The following ZNF426 variants were observed in gnomAD, a reference collection of about 807,000 sequenced individuals.
ZNF426 encodes CTC-543D15.7.
ZNF426 carries 23 observed loss-of-function variants against 24.0 expected under a neutral mutation model. That is an observed-to-expected ratio of 0.96 (90% CI 0.69 to 1.36). The LOEUF is 1.36. ZNF426 is among the 40% of genes most tolerant of loss of function. The pLI is 0.00. For missense variants in ZNF426, 646 were observed against 658.4 expected (o/e 0.98, Z 0.21); for synonymous variants, 272 against 224.6 (o/e 1.21, Z -1.89).
rs1006044866 is a variant in ZNF426, at chr19:9,526,402, C to G, written c.*1978G>C. On this transcript the variant is annotated 3_prime_UTR_variant, in exon 8 of 8. Transcript: ENST00000253115. ...AAAGCAGACAGCATCCAAGAACAGA[C>G]AGGCAGTGTAAACACAGAGATGGAA... 2.1e-4 allele frequency: 32 copies of G among 151,926 alleles called. No individual in the cohort carries two copies. The highest frequency in any genetic ancestry group is 6.5e-4 in the African/African-American group (27 of 41,340). 9.4% of individuals were successfully genotyped at this position (151,926 alleles called of 1,614,324 possible).
intron 7 of ZNF426, 75 bp from the exon 8 acceptor site, chr19:9,529,711 A>ACATTATAATCAC: frequency 5.7e-6 from 8 of 1,396,672 alleles, no homozygotes; most frequent in Non-Finnish European, 6.7e-6. Flanking sequence ...GAAGCTAGAA[A>ACATTATAATCAC]CATTATAATG....
Position 9,529,295 on chromosome 19 carries a change from T to A in ZNF426, c.750A>T (p.Lys250Asn). 6.2e-7 allele frequency: 1 copy of A among 1,613,838 alleles called. No individual in the cohort carries two copies. Among genetic ancestry groups the A allele is most frequent in the Non-Finnish European group, 8.5e-7 (1 of 1,179,920 alleles). Reference protein sequence around the residue: ...QAHMRTHNGEKLYEWRNYGPG... With the variant: ...QAHMRTHNGENLYEWRNYGPG... The stretch of plus-strand genomic sequence containing the variant: ...GCCCATAATTCCTCCATTCGTAGAG[T>A]TTTTCTCCATTGTGAGTTCTCATAT... The change falls in exon 8 of 8, where the codon AAA (lysine) becomes AAT (asparagine). Residue 250 changes from lysine to asparagine, a missense_variant. Transcript: ENST00000253115.
intron 2 of ZNF426, among the ~76,000 whole-genome samples, chr19:9,537,835 G>A (rs1276599250): frequency 6.6e-6 from 1 of 151,858 alleles, no homozygotes; most frequent in Non-Finnish European, 1.5e-5. Flanking sequence ...TCTATTTTTA[G>A]TAGAGACGGG....
In ZNF426 at chr19:9,528,189, T is replaced by A. The variant is rs1313439244; in HGVS notation, c.*191A>T. On this transcript the variant is annotated 3_prime_UTR_variant, in exon 8 of 8. Coordinates refer to ENST00000253115, the MANE Select transcript of ZNF426 (RefSeq NM_024106.3). ...TTTCAGTAGAGACAAGGTTTCACCA[T>A]GTTGGCCAGGGTGGTCTCAAACTCC... is the stretch of plus-strand genomic sequence containing the variant. 2 of 559,204 alleles carry A rather than the reference T, an allele frequency of 3.6e-6. No individual in the cohort carries two copies. The highest frequency in any genetic ancestry group is 6.0e-6 in the Non-Finnish European group (2 of 330,890). 34.6% of individuals were successfully genotyped at this position (559,204 alleles called of 1,614,324 possible).
chr19:9,533,996 C>A, intron 4 of ZNF426, 30 bp from the exon 5 acceptor site: 16 of 1,606,726 alleles, frequency 1.0e-5, no homozygotes, highest in Non-Finnish European at 1.4e-5. Flanking sequence ...CTGGTTGGAG[C>A]CAAGTAACAA....
rs757187141 is a variant in ZNF426, at chr19:9,528,512, T to C, written c.1533A>G (p.Lys511=). Residue 511 remains lysine (K), a synonymous_variant, in exon 8 of 8, where the codon AAA becomes AAG. Coordinates refer to ENST00000253115, the MANE Select transcript of ZNF426 (RefSeq NM_024106.3). ...EKPYECKECG[K]AFTCSSSFRI... The stretch of plus-strand genomic sequence containing the variant: ...TAAAGGAACTGGAACACGTGAAGGC[T>C]TTCCCACACTCCTTGCATTCATAGG... 17 of 1,614,194 alleles carry C rather than the reference T, an allele frequency of 1.1e-5. No individual in the cohort carries two copies. The highest frequency in any genetic ancestry group is 1.4e-5 in the Non-Finnish European group (17 of 1,180,036).
At chr19:9,535,119 T>G in intron 4 of ZNF426, 69 bp downstream of exon 4, 1 of 1,091,456 alleles carries the variant, frequency 9.2e-7, no homozygotes, top group Non-Finnish European at 1.3e-6. Flanking sequence ...CAACTCTGCC[T>G]AGAGGGAAAT....
chr19:9,532,754 G>A, intron 6 of ZNF426, 91 bp downstream of exon 6: 2 of 924,984 alleles, frequency 2.2e-6, no homozygotes, highest in Non-Finnish European at 1.7e-6. Context: ...TTAGAGTGCA[G>A]GGAGAAAGTA....
In ZNF426 at chr19:9,528,336, AC is replaced by A. The variant is rs781363308; in HGVS notation, c.*43del. Reference sequence around the variant, plus strand: ...ATTCATGTCTTTAAAGTGAACTGGAACAAATGAGAGCTTTCCCACATTTATT... The same window carrying A: ...ATTCATGTCTTTAAAGTGAACTGGAAAAATGAGAGCTTTCCCACATTTATT... On this transcript the variant is annotated 3_prime_UTR_variant, in exon 8 of 8. Coordinates refer to ENST00000253115, the MANE Select transcript of ZNF426 (RefSeq NM_024106.3). 15 of 1,525,134 alleles carry A rather than the reference AC, an allele frequency of 9.8e-6. No individual in the cohort carries two copies. The highest frequency in any genetic ancestry group is 1.3e-5 in the Non-Finnish European group (15 of 1,136,302). 94.5% of individuals were successfully genotyped at this position (1,525,134 alleles called of 1,614,324 possible). A position where few individuals can be genotyped will look rare whatever the true frequency, so the allele number is the denominator to read the frequency against.
chr19:9,532,688 T>G (rs946011001), intron 6 of ZNF426, among the ~76,000 whole-genome samples, 157 bp downstream of exon 6: 1 of 152,142 alleles, frequency 6.6e-6, no homozygotes, highest in African/African-American at 2.4e-5. Flanking sequence ...GACTGCTCTG[T>G]AAATAAAAGC....
chr19:9,536,375 A>C lies in ZNF426; in HGVS notation c.-124-19T>G. 1 of 1,562,794 alleles carries C rather than the reference A, an allele frequency of 6.4e-7. No individual in the cohort carries two copies. On this transcript the variant is annotated intron_variant, in intron 2 of 7. Transcript: ENST00000253115. ...GGGATTCCTGTTGGTATTAATCAAT[A>C]ATCAACAAGCAGTACTTAATCATCA...
At chr19:9,537,794 G>A (rs2073990591) in intron 2 of ZNF426, among the ~76,000 whole-genome samples, 6 of 151,956 alleles carry the variant, frequency 3.9e-5, no homozygotes, top group Admixed American at 3.9e-4. Flanking sequence ...GAGATTCCAA[G>A]ACCCCACCAC....
chr19:9,528,154 T>G lies in ZNF426; in HGVS notation c.*226A>C. On this transcript the variant is annotated 3_prime_UTR_variant, in exon 8 of 8. Coordinates refer to ENST00000253115, the MANE Select transcript of ZNF426 (RefSeq NM_024106.3). ...CAGGTGCCCACCACACCTGGCTAAA[T>G]TTTTTGTATTTTCAGTAGAGACAAG... 2.3e-6 allele frequency: 1 copy of G among 427,036 alleles called. No homozygotes were observed. Among genetic ancestry groups the G allele is most frequent in the Non-Finnish European group, 4.1e-6 (1 of 242,262 alleles). The allele number at this position is 427,036 out of a possible 1,614,324, so 26.5% of individuals were successfully genotyped here.
At position 9,530,404 on chromosome 19, in the gene ZNF426, T is replaced by C. The variant is rs1030407117; in HGVS notation, c.408+581A>G. ...AAGGGGTCAAGGCTTCAGTGAGCCA[T>C]GTTTGTGCCACTGCAATCCAGCCTG... On this transcript the variant is annotated intron_variant, in intron 7 of 7. Transcript: ENST00000253115. Among the ~76,000 whole-genome samples the C allele has an allele frequency of 3.3e-5, 5 of 149,712 alleles. No homozygotes were observed. In the East Asian group the frequency reaches 6.0e-4, roughly 18 times the overall value.
Position 9,529,103 on chromosome 19 carries a change from C to T in ZNF426, c.942G>A (p.Gly314=), listed in dbSNP as rs1409531091. The T allele has an allele frequency of 6.2e-7, 1 of 1,613,942 alleles. No homozygotes were observed. The highest frequency in any genetic ancestry group is 8.5e-7 in the Non-Finnish European group (1 of 1,179,974). ...ATGAGTTGGAATAATTGAAGGCTTT[C>T]CCACATTCCTTACATTCATATGGTT... The part of the protein sequence containing the change: ...GEKPYECKEC[G]KAFNYSNSFQ... Residue 314 remains glycine, a synonymous_variant, in exon 8 of 8, where the codon GGG becomes GGA. Transcript: ENST00000253115.
In ZNF426 at chr19:9,537,845, G is replaced by T. The variant is rs1280841097; in HGVS notation, c.-125+414C>A. Among the ~76,000 whole-genome samples, 6 of 151,578 alleles carry T rather than the reference G, an allele frequency of 4.0e-5. 1 individual carries two copies. Among genetic ancestry groups the T allele is most frequent in the Admixed American group, 1.3e-4 (2 of 15,190 alleles). On this transcript the variant is annotated intron_variant, in intron 2 of 7. Coordinates refer to ENST00000253115, the MANE Select transcript of ZNF426 (RefSeq NM_024106.3). ...TTTTTTCTATTTTTAGTAGAGACGG[G>T]GTTTCACCATCTTAGCCAGGCTGGT...
At chr19:9,536,447 T>C in intron 2 of ZNF426, 91 bp from the exon 3 acceptor site, 1 of 1,321,078 alleles carries the variant, frequency 7.6e-7, no homozygotes, top group South Asian at 1.5e-5. Context: ...ATGCCTGTAA[T>C]CCCAGCATTT....
intron 3 of ZNF426, 52 bp from the exon 4 acceptor site, chr19:9,535,331 C>T: frequency 7.3e-7 from 1 of 1,361,350 alleles, no homozygotes; most frequent in South Asian, 1.2e-5. Flanking sequence ...ATCCCCACAT[C>T]CACCTACCTA....
At position 9,528,964 on chromosome 19, in the gene ZNF426, C is replaced by G. The variant is rs1289039314; in HGVS notation, c.1081G>C (p.Asp361His). ...LSMHVRSHSG[D>H]KPYECKECGK... is the part of the protein sequence containing the mutation. ...CATTCCTTACATTCATAGGGCTTGT[C>G]TCCACTGTGAGATCGTACATGCATA... The change falls in exon 8 of 8, where the codon GAC (aspartate) becomes CAC (histidine). Residue 361 changes from aspartate to histidine, a missense_variant. Coordinates refer to ENST00000253115, the MANE Select transcript of ZNF426 (RefSeq NM_024106.3). 1.9e-5 allele frequency: 30 copies of G among 1,613,860 alleles called. No homozygotes were observed. Among genetic ancestry groups the G allele is most frequent in the Non-Finnish European group, 2.5e-5 (30 of 1,179,938 alleles).
Sources: gnomAD v4.1 joint callset for allele counts (sites outside exome capture counted in the v4.1 genomes callset) on GRCh38, gnomAD v4.1.1 for gene constraint, MANE v1.5 for transcripts, NCBI Gene and HGNC (gene_info 2026-07-23, HGNC 2026-07-21) for gene names.